ZDHHC7: variants seen among roughly 807,000 people sequenced by gnomAD.
The protein encoded by ZDHHC7 is zDHHC palmitoyltransferase 7.
Under a neutral mutation model 34.1 loss-of-function variants are expected in ZDHHC7, and 12 were observed. The ratio of observed to expected loss-of-function variants is 0.35; its 90% CI spans 0.23 to 0.57. The LOEUF is 0.57. Ranked by LOEUF, ZDHHC7 falls within the 20% of genes least tolerant of loss-of-function variation. The pLI is 0.84. For missense variants in ZDHHC7, 388 were observed against 402.7 expected (o/e 0.96, Z 0.31); for synonymous variants, 185 against 155.4 (o/e 1.19, Z -1.42).
At chr16:85,025,601 G>C in the ZDHHC7 span, among the ~76,000 whole-genome samples, 1 of 152,120 alleles carries the variant, frequency 6.6e-6, no homozygotes, top group Non-Finnish European at 1.5e-5. Context: ...GTAGAGACCA[G>C]GTTTCACCAT....
chr16:84,988,772 G>C lies in ZDHHC7; in HGVS notation c.315+1532C>G. On this transcript the variant is annotated intron_variant, in intron 3 of 7. Transcript: ENST00000313732. ...CCTACCCCACACTCACAAGCAGGAGGCTTTGCACAGACTCGGTTCCCTCAC... is the reference window on the plus strand; with the variant it reads ...CCTACCCCACACTCACAAGCAGGAGCCTTTGCACAGACTCGGTTCCCTCAC... The C allele has an allele frequency of 1.9e-6, 3 of 1,551,552 alleles. No individual in the cohort carries two copies. The African/African-American group carries it at 4.1e-5, about 21-fold the overall frequency.
Position 84,975,207 on chromosome 16 carries a change from C to A in ZDHHC7, c.*1136G>T, listed in dbSNP as rs1251064015. On this transcript the variant is annotated 3_prime_UTR_variant, in exon 8 of 8. Transcript: ENST00000313732. Reference sequence around the variant, plus strand: ...CTAACCAAAAACTCCAACAAGAGGGCGCCATCCTGGCCATTCCCGACTGGA... The same window carrying A: ...CTAACCAAAAACTCCAACAAGAGGGAGCCATCCTGGCCATTCCCGACTGGA... The A allele has an allele frequency of 6.5e-6, 1 of 152,720 alleles. No individual in the cohort carries two copies. Among genetic ancestry groups the A allele is most frequent in the African/African-American group, 2.4e-5 (1 of 41,466 alleles). 9.5% of individuals were successfully genotyped at this position (152,720 alleles called of 1,614,324 possible).
At chr16:85,001,300 G>GTC (rs1453649981) in intron 1 of ZDHHC7, among the ~76,000 whole-genome samples, 1 of 151,856 alleles carries the variant, frequency 6.6e-6, no homozygotes, top group African/African-American at 2.4e-5. Flanking sequence ...GCGAAACCCC[G>GTC]TCTCTACTAA....
In ZDHHC7 at chr16:84,982,250, C is replaced by T. The variant is rs1031571733; in HGVS notation, c.316-256G>A. The T allele has an allele frequency of 1.9e-4, 65 of 336,540 alleles. No individual in the cohort carries two copies. In the Middle Eastern group the frequency reaches 3.2e-3, roughly 16 times the overall value. 20.8% of individuals were successfully genotyped at this position (336,540 alleles called of 1,614,324 possible). A position where few individuals can be genotyped will look rare whatever the true frequency, so the allele number is the denominator to read the frequency against. ...ATCCCAGCTACTTAGGAGGCTGAGG[C>T]AGGAGAATCGCTTGAACTCAGGAGG... On this transcript the variant is annotated intron_variant, in intron 3 of 7. Coordinates refer to ENST00000313732, the MANE Select transcript of ZDHHC7 (RefSeq NM_017740.3).
At chr16:84,995,031 G>T (rs1465814734) in intron 2 of ZDHHC7, among the ~76,000 whole-genome samples, 1 of 152,142 alleles carries the variant, frequency 6.6e-6, no homozygotes. Context: ...CATTTGAGAT[G>T]CGGTATTAAA....
At chr16:85,011,948 G>T (rs1315005169), upstream of ZDHHC7, among the ~76,000 whole-genome samples, 7 of 152,246 alleles carry the variant, frequency 4.6e-5, no homozygotes, top group African/African-American at 1.4e-4. Context: ...GGGAAAAGAG[G>T]AAAGCGCCCT....
At chr16:85,026,375 T>C in the ZDHHC7 span, among the ~76,000 whole-genome samples, 6 of 152,100 alleles carry the variant, frequency 3.9e-5, no homozygotes, top group Non-Finnish European at 7.4e-5. Flanking sequence ...ATGAGGGGTA[T>C]TGGACACAAA....
chr16:84,983,964 CAA>C (rs201105181), intron 3 of ZDHHC7, among the ~76,000 whole-genome samples: 8,619 of 128,848 alleles, frequency 0.067, 295 homozygotes, highest in Middle Eastern at 0.085. Context: ...TGCACTCCAG[CAA>C]AAAAAAAAAA....
At chr16:85,012,202 G>C (rs76787964), upstream of ZDHHC7, among the ~76,000 whole-genome samples, 727 of 151,982 alleles carry the variant, frequency 4.8e-3, 9 homozygotes, top group African/African-American at 0.016. Context: ...AACAACAATG[G>C]TGAAATTCCG....
chr16:84,983,933 A>C (rs1251972501), intron 3 of ZDHHC7, among the ~76,000 whole-genome samples: 2 of 149,998 alleles, frequency 1.3e-5, no homozygotes, highest in African/African-American at 4.9e-5. Context: ...TGGAAGCTGC[A>C]GTGAGCCAAG....
In ZDHHC7 at chr16:84,976,375, G is replaced by T. The variant is rs200269768; in HGVS notation, c.895C>A (p.Pro299Thr). The T allele has an allele frequency of 6.2e-7, 1 of 1,614,086 alleles. No individual in the cohort carries two copies. Among genetic ancestry groups the T allele is most frequent in the East Asian group, 2.2e-5 (1 of 44,868 alleles). Residue 299 changes from proline to threonine, a missense_variant, in exon 8 of 8, where the codon CCC becomes ACC. Physicochemically the swap from Pro to Thr is conservative, Grantham distance 38. Coordinates refer to ENST00000313732, the MANE Select transcript of ZDHHC7 (RefSeq NM_017740.3). ...GFRFRRLPTR[P>T]RKGGPEFSV ...GAGAACTCCGGGCCACCTTTTCTGG[G>T]TCTCGTGGGCAGTCGCCTAAATCGG...
chr16:84,976,974 TCAAGACCGTCC>T lies in ZDHHC7; in HGVS notation c.750+110_750+120del, dbSNP rs1323490832. On this transcript the variant is annotated intron_variant, in intron 7 of 7. Coordinates refer to ENST00000313732, the MANE Select transcript of ZDHHC7 (RefSeq NM_017740.3). The stretch of plus-strand genomic sequence containing the variant: ...AACACAGGGAGCTGGTTGCAGCTCA[TCAAGACCGTCC>T]CATTACGTTCCCGAGTCAGTCCACA... 2.8e-6 allele frequency: 4 copies of T among 1,435,566 alleles called. No individual in the cohort carries two copies. The African/African-American group carries it at 5.7e-5, about 20-fold the overall frequency. The allele number at this position is 1,435,566 out of a possible 1,614,324, so 88.9% of individuals were successfully genotyped here. A position where few individuals can be genotyped will look rare whatever the true frequency, so the allele number is the denominator to read the frequency against.
chr16:84,981,277 A>C (rs960049922), intron 4 of ZDHHC7, among the ~76,000 whole-genome samples: 2 of 152,230 alleles, frequency 1.3e-5, no homozygotes, highest in African/African-American at 4.8e-5. Context: ...CCAGGCAGAT[A>C]ACTGGACTGT....
chr16:84,992,532 G>C (rs1430445539), intron 2 of ZDHHC7, among the ~76,000 whole-genome samples: 3 of 152,172 alleles, frequency 2.0e-5, no homozygotes, highest in African/African-American at 7.2e-5. Flanking sequence ...TTCTTTGATT[G>C]TACGCCCTTC....
chr16:85,018,448 ATTC>A, the ZDHHC7 span, among the ~76,000 whole-genome samples: 22 of 133,052 alleles, frequency 1.7e-4, no homozygotes, highest in African/African-American at 4.9e-4. Flanking sequence ...ACTTATTTGT[ATTC>A]TTTTTTTTTT....
intron 3 of ZDHHC7, among the ~76,000 whole-genome samples, chr16:84,986,765 C>T (rs2072442336): frequency 2.0e-5 from 3 of 152,222 alleles, no homozygotes; most frequent in African/African-American, 7.2e-5. Flanking sequence ...GAGGACTGCC[C>T]AGTCCTATTG....
chr16:84,977,061 A>G, intron 7 of ZDHHC7, 34 bp downstream of exon 7: 2 of 1,613,244 alleles, frequency 1.2e-6, no homozygotes, highest in Non-Finnish European at 1.7e-6. Context: ...CTTGGACCAC[A>G]TATGAAGTCC....
chr16:85,010,271 C>T (rs2072773153), intron 1 of ZDHHC7, among the ~76,000 whole-genome samples: 1 of 152,116 alleles, frequency 6.6e-6, no homozygotes, highest in African/African-American at 2.4e-5. Context: ...ATCCTCCTGC[C>T]TCAGCCTCCC....
At chr16:85,016,394 G>C (rs2072834435), upstream of ZDHHC7, among the ~76,000 whole-genome samples, 1 of 151,916 alleles carries the variant, frequency 6.6e-6, no homozygotes, top group Admixed American at 6.6e-5. Flanking sequence ...TTAGTTACTG[G>C]TATAGCTTGC....
Sources: allele counts gnomAD v4.1 joint callset (sites outside exome capture counted in the v4.1 genomes callset), GRCh38; gene constraint gnomAD v4.1.1; transcripts MANE v1.5; gene names NCBI Gene and HGNC (gene_info 2026-07-23, HGNC 2026-07-21).